Variants in VIPR1 observed in about 807,000 individuals in gnomAD.
VIPR1 encodes the protein vasoactive intestinal peptide receptor 1.
VIPR1 carries 59 observed loss-of-function variants against 58.8 expected under a neutral mutation model. The observed-to-expected ratio is 1.00, with a 90% CI of 0.81 to 1.25. The LOEUF is 1.25. Ranked by LOEUF, VIPR1 falls within the 50% of genes most tolerant of loss-of-function variation. VIPR1 has a pLI of 0.00. For missense variants in VIPR1, 626 were observed against 602.7 expected, an observed-to-expected ratio of 1.04 and a Z score of -0.40; for synonymous variants, 251 against 242.1, an observed-to-expected ratio of 1.04 and a Z score of -0.34.
chr3:42,525,484 G>A (rs541960033), intron 3 of VIPR1, among the ~76,000 whole-genome samples: 120 of 151,876 alleles, frequency 7.9e-4, no homozygotes, highest in Admixed American at 3.8e-3. Flanking sequence ...GAGGAGGACC[G>A]GGCAGGCCTG....
chr3:42,505,487 GC>G (rs1384538383), intron 1 of VIPR1, among the ~76,000 whole-genome samples: 1 of 152,244 alleles, frequency 6.6e-6, no homozygotes, highest in Non-Finnish European at 1.5e-5. Context: ...GACCACAGCT[GC>G]CCAGGCCCTC....
chr3:42,494,613 CA>C (rs1396695033), intron 1 of VIPR1, among the ~76,000 whole-genome samples: 1 of 152,180 alleles, frequency 6.6e-6, no homozygotes, highest in African/African-American at 2.4e-5. Context: ...TGTATATTTC[CA>C]CTTTCACTTG....
intron 1 of VIPR1, among the ~76,000 whole-genome samples, chr3:42,492,981 A>C (rs1699693159): frequency 1.3e-5 from 2 of 152,248 alleles, no homozygotes; most frequent in African/African-American, 4.8e-5. Context: ...AAGGAAGGAG[A>C]TCTCTAACAT....
intron 10 of VIPR1, 24 bp from the exon 11 acceptor site, chr3:42,534,951 G>C: frequency 1.2e-6 from 2 of 1,613,684 alleles, no homozygotes. Context: ...ACATACCCAT[G>C]GCCTGTCCCT....
chr3:42,530,107 C>T (rs1434299311), intron 6 of VIPR1: 1 of 153,202 alleles, frequency 6.5e-6, no homozygotes, highest in Non-Finnish European at 1.5e-5. Flanking sequence ...CTCATACCTT[C>T]CAGCTACCTT....
Position 42,507,875 on chromosome 3 carries a change from A to T in VIPR1, c.78+5062A>T, listed in dbSNP as rs1002216837. ...CTTATGTCTCCCCCTCTTCCTCCCC[A>T]TCCCCATCAACACTCACACAGCAGT... On this transcript the variant is annotated intron_variant, in intron 1 of 12. Coordinates refer to ENST00000325123, the MANE Select transcript of VIPR1 (RefSeq NM_004624.4). 8.9e-5 allele frequency: 13 copies of T among 146,064 alleles called. 2 individuals are homozygous for T. Among genetic ancestry groups the T allele is most frequent in the African/African-American group, 1.6e-4 (6 of 38,018 alleles). 9.0% of individuals were successfully genotyped at this position (146,064 alleles called of 1,614,324 possible).
At chr3:42,510,384 G>A (rs1700305113) in intron 1 of VIPR1, among the ~76,000 whole-genome samples, 1 of 152,168 alleles carries the variant, frequency 6.6e-6, no homozygotes, top group Non-Finnish European at 1.5e-5. Flanking sequence ...TTCAGCCAGG[G>A]AATTTTTCAA....
At chr3:42,501,403 AC>A (rs1168356988), upstream of VIPR1, among the ~76,000 whole-genome samples, 5 of 151,854 alleles carry the variant, frequency 3.3e-5, no homozygotes. The surrounding 1 kb of genome is among the most constrained non-coding windows in gnomAD (Gnocchi z 4.8). Context: ...GGGCTCTGGG[AC>A]CCGCTGCCCT....
At chr3:42,514,339 C>T (rs975351613) in intron 2 of VIPR1, among the ~76,000 whole-genome samples, 1 of 152,090 alleles carries the variant, frequency 6.6e-6, no homozygotes, top group Non-Finnish European at 1.5e-5. Context: ...GAGGCACATT[C>T]AGTCACAATA....
intron 1 of VIPR1, among the ~76,000 whole-genome samples, chr3:42,510,639 T>C (rs1372453808): frequency 6.6e-6 from 1 of 152,090 alleles, no homozygotes; most frequent in Non-Finnish European, 1.5e-5. Context: ...GAATGCGCAT[T>C]TGCTGGGTGA....
intron 3 of VIPR1, among the ~76,000 whole-genome samples, chr3:42,523,093 C>CA (rs201649077): frequency 3.3e-5 from 5 of 150,096 alleles, no homozygotes; most frequent in Admixed American, 1.3e-4. Context: ...GACCCCGCCC[C>CA]CAGTGGAGTG....
chr3:42,512,924 A>T (rs1577214758), intron 1 of VIPR1: 3 of 984,798 alleles, frequency 3.0e-6, no homozygotes, highest in Non-Finnish European at 3.6e-6. Flanking sequence ...GACAGCCATC[A>T]CCCCCACTCA....
At chr3:42,533,486 T>A (rs1304023843) in intron 10 of VIPR1, 1 of 152,118 alleles carries the variant, frequency 6.6e-6, no homozygotes, top group Non-Finnish European at 1.5e-5. Context: ...TGCACCCTTA[T>A]CCTCTCCTTT....
chr3:42,492,837 G>C (rs574198174), intron 1 of VIPR1, among the ~76,000 whole-genome samples: 1 of 152,220 alleles, frequency 6.6e-6, no homozygotes, highest in Non-Finnish European at 1.5e-5. Flanking sequence ...GTACACAGGA[G>C]GCTGCGCCCT....
At chr3:42,512,547 GA>G (rs1333723031) in intron 1 of VIPR1, among the ~76,000 whole-genome samples, 1 of 152,138 alleles carries the variant, frequency 6.6e-6, no homozygotes, top group Non-Finnish European at 1.5e-5. Context: ...TCTTCCCACG[GA>G]CCCACTTCAA....
rs143369149 is a variant in VIPR1 at position 42,517,581 on chromosome 3, G to A, written c.185-1642G>A. ...GCTCTGCAAGGCTGTGGCGGAGAAT[G>A]CAGCCACAATGCAGGGTTTTCGCTG... On this transcript the variant is annotated intron_variant, in intron 2 of 12. Transcript: ENST00000325123. Among the ~76,000 whole-genome samples, 974 of 152,336 alleles carry A rather than the reference G, an allele frequency of 6.4e-3. 3 individuals are homozygous for A. Among genetic ancestry groups the A allele is most frequent in the Middle Eastern group, 0.017 (5 of 294 alleles).
In VIPR1 at chr3:42,532,527, A is replaced by C. The variant is rs563976940; in HGVS notation, c.1010+194A>C. The C allele has an allele frequency of 7.5e-5, 48 of 639,320 alleles. 1 individual carries two copies. The South Asian group carries it at 8.6e-4, about 12-fold the overall frequency. 39.6% of individuals were successfully genotyped at this position (639,320 alleles called of 1,614,324 possible). A position where few individuals can be genotyped will look rare whatever the true frequency, so the allele number is the denominator to read the frequency against. ...TCCAGCCCCACCCTCACCAGGCTGC[A>C]CTCAGAGCCCTGCATGCTTCTCCTG... On this transcript the variant is annotated intron_variant, in intron 10 of 12. Transcript: ENST00000325123.
At chr3:42,534,527 T>C (rs893609260) in intron 10 of VIPR1, 1 of 155,810 alleles carries the variant, frequency 6.4e-6, no homozygotes, top group Non-Finnish European at 1.4e-5. Flanking sequence ...CCAGAATCTC[T>C]TGTTGCCTAA....
At chr3:42,535,311 T>A in intron 11 of VIPR1, 32 bp from the exon 12 acceptor site, 2 of 1,613,626 alleles carry the variant, frequency 1.2e-6, no homozygotes, top group Non-Finnish European at 1.7e-6. Context: ...CTGGTCTGTC[T>A]ACCTCACCTC....
Sources: allele counts gnomAD v4.1 joint callset (sites outside exome capture counted in the v4.1 genomes callset), GRCh38; gene constraint gnomAD v4.1.1; non-coding constraint Gnocchi (gnomAD v3.1); transcripts MANE v1.5; gene names NCBI Gene and HGNC (gene_info 2026-07-23, HGNC 2026-07-21).